The following RDX variants were observed in gnomAD, a reference collection of about 807,000 sequenced individuals.
The protein encoded by RDX is deafness, autosomal recessive 24.
RDX carries 32 observed loss-of-function variants against 83.7 expected under a neutral mutation model. That is an observed-to-expected ratio of 0.38 (90% CI 0.29 to 0.51). RDX has a LOEUF of 0.51. Among genes scored for constraint, RDX ranks in the 20% least tolerant of loss-of-function variants. The pLI is 0.87. For missense variants in RDX, 600 were observed against 689.9 expected (o/e 0.87, Z 1.46); for synonymous variants, 229 against 222.7 (o/e 1.03, Z -0.25).
chr11:110,200,370 C>T (rs1304392378), intron 14 of RDX: 1 of 152,346 alleles, frequency 6.6e-6, no homozygotes, highest in Non-Finnish European at 1.5e-5. Context: ...ACTCACCTGC[C>T]ATTCTCCGAT....
intron 9 of RDX, among the ~76,000 whole-genome samples, chr11:110,248,661 G>A (rs940088658): frequency 6.6e-6 from 1 of 152,110 alleles, no homozygotes; most frequent in Non-Finnish European, 1.5e-5. Flanking sequence ...CAAATTAAAT[G>A]TCAGCACCAA....
At chr11:110,291,382 A>G (rs1472726196) in intron 1 of RDX, among the ~76,000 whole-genome samples, 1 of 152,138 alleles carries the variant, frequency 6.6e-6, no homozygotes, top group Non-Finnish European at 1.5e-5. Flanking sequence ...AGGAAGGAAA[A>G]AGAAAAAAGA....
chr11:110,198,103 C>T (rs938565226), intron 15 of RDX, among the ~76,000 whole-genome samples: 3 of 152,080 alleles, frequency 2.0e-5, no homozygotes, highest in Non-Finnish European at 4.4e-5. Flanking sequence ...CATAATATTT[C>T]TATAAAGAAC....
intron 1 of RDX, among the ~76,000 whole-genome samples, chr11:110,296,155 T>C (rs1416642986): frequency 1.3e-5 from 2 of 152,052 alleles, no homozygotes; most frequent in African/African-American, 4.8e-5. Flanking sequence ...GAAGGCAGAC[T>C]CCGCGCCCCG....
intron 15 of RDX, among the ~76,000 whole-genome samples, chr11:110,199,186 T>A (rs1863311175): frequency 6.6e-6 from 1 of 152,174 alleles, no homozygotes; most frequent in Admixed American, 6.5e-5. Context: ...ACTTGCACCA[T>A]AATACTTTCA....
intron 15 of RDX, among the ~76,000 whole-genome samples, chr11:110,177,030 C>T (rs1297524153): frequency 6.6e-6 from 1 of 152,228 alleles, no homozygotes; most frequent in Admixed American, 6.5e-5. Flanking sequence ...CTCTGAGAGG[C>T]TCAGAGTTTC....
At chr11:110,267,510 C>G (rs1241973930) in intron 3 of RDX, among the ~76,000 whole-genome samples, 1 of 126,622 alleles carries the variant, frequency 7.9e-6, no homozygotes, top group Non-Finnish European at 1.7e-5. Flanking sequence ...GAGACTCCGT[C>G]TCAAAACACA....
At chr11:110,177,184 A>AC (rs1862791622) in intron 15 of RDX, among the ~76,000 whole-genome samples, 1 of 152,104 alleles carries the variant, frequency 6.6e-6, no homozygotes, top group Non-Finnish European at 1.5e-5. Context: ...TCCCACCTCC[A>AC]CCCGGGGACA....
intron 14 of RDX, among the ~76,000 whole-genome samples, chr11:110,223,320 T>A (rs1036832083): frequency 1.3e-4 from 19 of 151,848 alleles, no homozygotes; most frequent in Non-Finnish European, 2.8e-4. Context: ...GCCACTGCAC[T>A]CCAGCCTGGG....
intron 10 of RDX, among the ~76,000 whole-genome samples, chr11:110,244,536 T>C (rs1308059136): frequency 1.3e-5 from 2 of 152,108 alleles, no homozygotes; most frequent in Admixed American, 6.6e-5. Flanking sequence ...GAAAGATTCG[T>C]GGTTGTCTAC....
intron 14 of RDX, among the ~76,000 whole-genome samples, chr11:110,207,184 G>C (rs1418724818): frequency 6.6e-6 from 1 of 152,066 alleles, no homozygotes; most frequent in African/African-American, 2.4e-5. Context: ...ACGTTAGCCA[G>C]GCTGGTCTCG....
chr11:110,267,886 C>T (rs1860125124), intron 3 of RDX, among the ~76,000 whole-genome samples: 1 of 147,598 alleles, frequency 6.8e-6, no homozygotes, highest in African/African-American at 2.5e-5. Context: ...TCCAGGAGGT[C>T]AAGGCTGCAG....
chr11:110,289,579 C>T (rs1426943839), intron 1 of RDX, among the ~76,000 whole-genome samples: 2 of 152,066 alleles, frequency 1.3e-5, no homozygotes, highest in Non-Finnish European at 2.9e-5. Context: ...AGTCAATTAA[C>T]CACAGCTGAG....
In RDX at chr11:110,231,970, G is replaced by A; in HGVS notation, c.1651C>T (p.His551Tyr). The change falls in exon 14 of 14, where the codon CAT becomes TAT. Residue 551 changes from histidine to tyrosine, a missense_variant. Transcript: ENST00000645495. ...CGGCCTGCTTTAACATTCTCAGCAT[G>A]AAGAACATCATTTTGTGTTTTCTTG... ...ETKKTQNDVL[H>Y]AENVKAGRDK... 1.2e-6 allele frequency: 2 copies of A among 1,614,074 alleles called. No individual in the cohort carries two copies. Among genetic ancestry groups the A allele is most frequent in the Non-Finnish European group, 1.7e-6 (2 of 1,179,994 alleles).
intron 15 of RDX, among the ~76,000 whole-genome samples, chr11:110,192,118 G>A (rs6589118): frequency 0.99 from 151,362 of 152,314 alleles, 75,214 homozygotes; most frequent in East Asian, 1. Flanking sequence ...GAGGCATCAC[G>A]TAACCCAACT....
At chr11:110,218,401 C>T (rs1864133870) in intron 14 of RDX, among the ~76,000 whole-genome samples, 1 of 152,180 alleles carries the variant, frequency 6.6e-6, no homozygotes, top group South Asian at 2.1e-4. Flanking sequence ...CATGCAGTCA[C>T]CTTTCTGTCC....
At chr11:110,280,871 T>A (rs989663249) in intron 1 of RDX, among the ~76,000 whole-genome samples, 1 of 151,384 alleles carries the variant, frequency 6.6e-6, no homozygotes, top group South Asian at 2.1e-4. Context: ...CTGTTTAAGA[T>A]GCCATAACTA....
intron 3 of RDX, 55 bp downstream of exon 3, chr11:110,272,481 G>C (rs1860344885): frequency 3.6e-6 from 4 of 1,119,054 alleles, no homozygotes; most frequent in Admixed American, 3.5e-5. Context: ...AAAGAGGTAT[G>C]CAACAACATT....
intron 1 of RDX, among the ~76,000 whole-genome samples, chr11:110,282,371 T>C (rs1002933493): frequency 2.0e-5 from 3 of 152,152 alleles, no homozygotes; most frequent in African/African-American, 7.2e-5. Flanking sequence ...TTTTGACACC[T>C]AGCATCCAGA....
Sources: allele counts gnomAD v4.1 joint callset (sites outside exome capture counted in the v4.1 genomes callset), GRCh38; gene constraint gnomAD v4.1.1; transcripts MANE v1.5; gene names NCBI Gene and HGNC (gene_info 2026-07-23, HGNC 2026-07-21).